COL20A1: variants seen among roughly 807,000 people sequenced by gnomAD.
COL20A1 encodes collagen type XX alpha 1 chain, also known as collagen alpha-1(XX) chain.
COL20A1 carries 164 observed loss-of-function variants against 152.9 expected under a neutral mutation model. The observed-to-expected ratio is 1.07, with a 90% CI of 0.94 to 1.22. The LOEUF (loss-of-function observed/expected upper bound fraction) is 1.22, where lower values mean the gene tolerates loss of function less well. Ranked by LOEUF, COL20A1 falls within the 50% of genes most tolerant of loss-of-function variation. The probability of loss-of-function intolerance (pLI) is 0.00; values close to 1 mark genes in which losing one functional copy is unlikely to be tolerated. For synonymous variants in COL20A1, 864 were observed against 756.0 expected (o/e 1.14, Z -2.34); for missense variants, 1,873 against 1,744.8 (o/e 1.07, Z -1.31).
In COL20A1 at chr20:63,308,072, G is replaced by C. The variant is rs188732284; in HGVS notation, c.757G>C (p.Gly253Arg). 263 of 1,611,672 alleles carry C rather than the reference G, an allele frequency of 1.6e-4. 1 individual carries two copies. In the South Asian group the frequency reaches 2.6e-3, roughly 16 times the overall value. Residue 253 changes from glycine to arginine, a missense_variant, in exon 7 of 36, where the codon GGG becomes CGG. Gly to Arg is a moderately radical substitution (Grantham distance 125). Transcript: ENST00000358894. ...AGCTGTGCGCCGCCTCCGCTACAAG[G>C]GGGGGAACACGTTCACAGGTACGGC... Reference protein sequence around the residue: ...LAAVRRLRYKGGNTFTGLALT... With the variant: ...LAAVRRLRYKRGNTFTGLALT...
At position 63,311,878 on chromosome 20, in the gene COL20A1, G is replaced by A; in HGVS notation, c.1664-38G>A. The A allele has an allele frequency of 6.6e-7, 1 of 1,508,570 alleles. No individual in the cohort carries two copies. Among genetic ancestry groups the A allele is most frequent in the Non-Finnish European group, 8.9e-7 (1 of 1,129,122 alleles). The allele number at this position is 1,508,570 out of a possible 1,614,324, so 93.4% of individuals were successfully genotyped here. ...GCCCACCCTTGCCCCTGCCATGGAGGCCGCGTGCTGGCCTTGAGGCTCTGC... is the reference window on the plus strand; with the variant it reads ...GCCCACCCTTGCCCCTGCCATGGAGACCGCGTGCTGGCCTTGAGGCTCTGC... On this transcript the variant is annotated intron_variant, in intron 13 of 35. Coordinates refer to ENST00000358894, the MANE Select transcript of COL20A1 (RefSeq NM_020882.4). The surrounding 1 kb of genome is among the most constrained non-coding windows in gnomAD (Gnocchi z 4.4).
intron 21 of COL20A1, 67 bp from the exon 22 acceptor site, chr20:63,318,991 A>G (rs970868865): frequency 6.1e-6 from 8 of 1,303,138 alleles, no homozygotes; most frequent in Middle Eastern, 1.8e-4. Context: ...GGGCGAGCGG[A>G]TCGTTCTGCC....
intron 1 of COL20A1, among the ~76,000 whole-genome samples, chr20:63,294,251 A>T (rs1214691271): frequency 7.7e-6 from 1 of 129,304 alleles, no homozygotes; most frequent in Non-Finnish European, 1.7e-5. Context: ...AACCCCCGGC[A>T]TTTCTTCTTC....
Position 63,319,097 on chromosome 20 carries a change from C to T in COL20A1, c.2703C>T (p.Ile901=), listed in dbSNP as rs377419781. 10 of 1,612,044 alleles carry T rather than the reference C, an allele frequency of 6.2e-6. No homozygotes were observed. Among genetic ancestry groups the T allele is most frequent in the African/African-American group, 1.3e-5 (1 of 74,850 alleles). The change falls in exon 22 of 36, where the codon ATC becomes ATT. Residue 901 remains isoleucine, a synonymous_variant. Transcript: ENST00000358894. The surrounding 1 kb of genome is among the most constrained non-coding windows in gnomAD (Gnocchi z 4.4). The part of the protein sequence containing the change: ...YPAPLPPEHT[I]VFLVRLLPET... ...CCCCCCTACCTCCAGAGCACACCAT[C>T]GTCTTCCTTGTGCGCCTACTTCCCG...
At position 63,316,581 on chromosome 20, in the gene COL20A1, G is replaced by A; in HGVS notation, c.2553G>A (p.Leu851=). 1 of 1,589,756 alleles carries A rather than the reference G, an allele frequency of 6.3e-7. No individual in the cohort carries two copies. The highest frequency in any genetic ancestry group is 8.6e-7 in the Non-Finnish European group (1 of 1,168,230). ...TTGACCTGATGGTGGCCTTCAGCCT[G>A]GTGGAAAAGGCTTATGCGTCCATCC... ...PGFDLMVAFS[L]VEKAYASIRG... The change falls in exon 21 of 36, where the codon CTG becomes CTA. Residue 851 remains leucine, a synonymous_variant. Transcript: ENST00000358894.
chr20:63,307,626 C>T lies in COL20A1; in HGVS notation c.633C>T (p.Ile211=), dbSNP rs200569624. Residue 211 remains isoleucine (I), a synonymous_variant, in exon 6 of 36, where the codon ATC becomes ATT. Coordinates refer to ENST00000358894, the MANE Select transcript of COL20A1 (RefSeq NM_020882.4). Reference sequence around the variant, plus strand: ...CCAGTGTCATCGCACCCTTTGAAATCGGGCCGGATAAGGTCCAAGTAGGTG... The same window carrying T: ...CCAGTGTCATCGCACCCTTTGAAATTGGGCCGGATAAGGTCCAAGTAGGTG... ...FLASVIAPFE[I]GPDKVQVGLT... 195 of 1,612,452 alleles carry T rather than the reference C, an allele frequency of 1.2e-4. 1 individual carries two copies. The East Asian group carries it at 2.9e-3, about 24-fold the overall frequency.
chr20:63,308,074 G>GA lies in COL20A1; in HGVS notation c.759_760insA (p.Gly254ArgfsTer67), dbSNP rs1568770683. On this transcript the variant is annotated frameshift_variant, in exon 7 of 36. Coordinates refer to ENST00000358894, the MANE Select transcript of COL20A1 (RefSeq NM_020882.4). LOFTEE classifies it high-confidence loss of function. ...CTGTGCGCCGCCTCCGCTACAAGGG[G>GA]GGGAACACGTTCACAGGTACGGCCC... The GA allele has an allele frequency of 6.2e-7, 1 of 1,612,476 alleles. No individual in the cohort carries two copies. The highest frequency in any genetic ancestry group is 1.7e-5 in the Admixed American group (1 of 59,992).
Position 63,309,516 on chromosome 20 carries a change from C to T in COL20A1, c.1105+19C>T, listed in dbSNP as rs1376559766. The T allele has an allele frequency of 4.9e-5, 73 of 1,485,474 alleles. No homozygotes were observed. Among genetic ancestry groups the T allele is most frequent in the Middle Eastern group, 2.2e-4 (1 of 4,446 alleles). The allele number at this position is 1,485,474 out of a possible 1,614,324, so 92.0% of individuals were successfully genotyped here. A position where few individuals can be genotyped will look rare whatever the true frequency, so the allele number is the denominator to read the frequency against. On this transcript the variant is annotated intron_variant, in intron 9 of 35. Coordinates refer to ENST00000358894, the MANE Select transcript of COL20A1 (RefSeq NM_020882.4). ...GGCCCAGGTGAGGGGCAGGGTCACC[C>T]GCACAGGCTGCAGCCCCCCCGGCTG...
intron 20 of COL20A1, among the ~76,000 whole-genome samples, chr20:63,315,845 A>G (rs2068077285): frequency 6.6e-6 from 1 of 152,188 alleles, no homozygotes; most frequent in African/African-American, 2.4e-5. Context: ...GGGACTGCCT[A>G]CTTGAAACAG....
At chr20:63,301,422 A>G (rs1471938267) in intron 3 of COL20A1, among the ~76,000 whole-genome samples, 2 of 152,196 alleles carry the variant, frequency 1.3e-5, no homozygotes, top group African/African-American at 2.4e-5. Context: ...GAGTTTTCTA[A>G]TGTTCTAATT....
rs371457012 is a variant in COL20A1, at chr20:63,316,608, G to A, written c.2580G>A (p.Arg860=). 6.9e-6 allele frequency: 11 copies of A among 1,584,656 alleles called. No homozygotes were observed. The highest frequency in any genetic ancestry group is 9.4e-6 in the Non-Finnish European group (11 of 1,165,734). ...TGGAAAAGGCTTATGCGTCCATCCG[G>A]GGCGTGGCCATGGAGCCCTCTGCCT... ...SLVEKAYASI[R]GVAMEPSAFG... is the part of the protein sequence containing the mutation. Residue 860 remains arginine, a synonymous_variant, in exon 21 of 36, where the codon CGG becomes CGA. Coordinates refer to ENST00000358894, the MANE Select transcript of COL20A1 (RefSeq NM_020882.4).
rs1265937293 is a variant in COL20A1 at position 63,323,448 on chromosome 20, C to CTCCTCCTGGT, written c.3294+1348_3294+1357dup. Among the ~76,000 whole-genome samples the CTCCTCCTGGT allele has an allele frequency of 1.1e-4, 17 of 152,338 alleles. No homozygotes were observed. The South Asian group carries it at 3.3e-3, about 30-fold the overall frequency. On this transcript the variant is annotated intron_variant, in intron 27 of 35. Transcript: ENST00000358894. Reference sequence around the variant, plus strand: ...CTTATTCCGAGAGTAGAAATCGCGCCTCCTCCTGGTTCCTCCTGGTGCTTC... The same window carrying CTCCTCCTGGT: ...CTTATTCCGAGAGTAGAAATCGCGCCTCCTCCTGGTTCCTCCTGGTTCCTCCTGGTGCTTC...
chr20:63,325,716 C>A lies in COL20A1; in HGVS notation c.3397C>A (p.Pro1133Thr). 1.2e-6 allele frequency: 2 copies of A among 1,611,808 alleles called. No individual in the cohort carries two copies. The highest frequency in any genetic ancestry group is 1.7e-6 in the Non-Finnish European group (2 of 1,179,348). The change falls in exon 29 of 36, where the codon CCA (proline) becomes ACA (threonine). Residue 1133 changes from proline (P) to threonine (T), a missense_variant. Transcript: ENST00000358894. ...CCCCGGGAGAGTTGGCCTCCAGGGA[C>A]CAAAGGTGCCGGCTCTGGGCTTGGA... ...GIPGRVGLQG[P>T]KGMRGLEGTA...
At chr20:63,296,484 C>T (rs908357041) in intron 2 of COL20A1, among the ~76,000 whole-genome samples, 1 of 152,262 alleles carries the variant, frequency 6.6e-6, no homozygotes, top group South Asian at 2.1e-4. Context: ...GGAGCCCACA[C>T]GCTGGGGCAG....
chr20:63,302,337 T>C (rs1246522838), intron 3 of COL20A1, among the ~76,000 whole-genome samples: 1 of 152,198 alleles, frequency 6.6e-6, no homozygotes, highest in African/African-American at 2.4e-5. Context: ...TAATTAATTA[T>C]TGAGATGGAA....
chr20:63,310,919 T>C (rs2067996738), intron 11 of COL20A1, among the ~76,000 whole-genome samples: 1 of 152,122 alleles, frequency 6.6e-6, no homozygotes, highest in Non-Finnish European at 1.5e-5. Flanking sequence ...ATTTAAAGTG[T>C]ACAACTCCAG....
Position 63,321,068 on chromosome 20 carries a change from C to T in COL20A1, c.3209C>T (p.Thr1070Ile), listed in dbSNP as rs1394424314. 1 of 1,601,736 alleles carries T rather than the reference C, an allele frequency of 6.2e-7. No homozygotes were observed. The highest frequency in any genetic ancestry group is 1.7e-5 in the Admixed American group (1 of 58,760). The change falls in exon 26 of 36, where the codon ACC becomes ATC. Residue 1070 changes from threonine to isoleucine, a missense_variant. Transcript: ENST00000358894. ...FVSACSCSSETPGPPGPQGPP... is the reference protein window; with the variant it reads ...FVSACSCSSEIPGPPGPQGPP... ...TCTGCCTGTTCCTGTTCCTCAGAGA[C>T]CCCTGGGCCCCCAGGACCTCAAGGA... is the stretch of plus-strand genomic sequence containing the variant.
In COL20A1 at chr20:63,309,537, G is replaced by T. The variant is rs898670851; in HGVS notation, c.1105+40G>T. The T allele has an allele frequency of 2.1e-6, 3 of 1,448,818 alleles. No homozygotes were observed. In the Admixed American group the frequency reaches 7.7e-5, roughly 37 times the overall value. 89.7% of individuals were successfully genotyped at this position (1,448,818 alleles called of 1,614,324 possible). ...CACCCGCACAGGCTGCAGCCCCCCC[G>T]GCTGCTTTGGGCAAAGGGTTGGGGG... On this transcript the variant is annotated intron_variant, in intron 9 of 35. Transcript: ENST00000358894.
chr20:63,307,639 G>A lies in COL20A1; in HGVS notation c.646G>A (p.Val216Ile). 6.2e-7 allele frequency: 1 copy of A among 1,612,214 alleles called. No homozygotes were observed. Among genetic ancestry groups the A allele is most frequent in the Non-Finnish European group, 8.5e-7 (1 of 1,179,502 alleles). The change falls in exon 6 of 36, where the codon GTC (valine) becomes ATC (isoleucine). Residue 216 changes from valine (V) to isoleucine (I), a missense_variant. By Grantham distance (29) the Val-to-Ile change is conservative. Transcript: ENST00000358894. ...IAPFEIGPDK[V>I]QVGLTQYSGD... is the part of the protein sequence containing the mutation. ...ACCCTTTGAAATCGGGCCGGATAAG[G>A]TCCAAGTAGGTGGGTGCTGGCCCGG...
Sources: allele counts gnomAD v4.1 joint callset (sites outside exome capture counted in the v4.1 genomes callset), GRCh38; gene constraint gnomAD v4.1.1; non-coding constraint Gnocchi (gnomAD v3.1); transcripts MANE v1.5; gene names NCBI Gene and HGNC (gene_info 2026-07-23, HGNC 2026-07-21).